The following CCBE1 variants were observed in gnomAD, a reference collection of about 807,000 sequenced individuals.
The protein encoded by CCBE1 is collagen and calcium binding EGF domains 1.
CCBE1 carries 37 observed loss-of-function variants against 50.0 expected under a neutral mutation model. The observed-to-expected ratio is 0.74, with a 90% CI of 0.57 to 0.97. The LOEUF is 0.97. CCBE1 is among the 50% of genes least tolerant of loss of function. The pLI is 0.00. For synonymous variants in CCBE1, 234 were observed against 203.7 expected (o/e 1.15, Z -1.27); for missense variants, 538 against 523.8 (o/e 1.03, Z -0.26).
chr18:59,649,116 C>G (rs2054094168), intron 2 of CCBE1, among the ~76,000 whole-genome samples: 1 of 152,204 alleles, frequency 6.6e-6, no homozygotes, highest in African/African-American at 2.4e-5. Flanking sequence ...TAACAGTGGA[C>G]AGAAAGCATC....
At chr18:59,609,594 T>C (rs2144579679) in intron 2 of CCBE1, among the ~76,000 whole-genome samples, 1 of 152,370 alleles carries the variant, frequency 6.6e-6, no homozygotes, top group Non-Finnish European at 1.5e-5. Context: ...CCTGAATCCT[T>C]ACTGCCACTA....
At position 59,589,564 on chromosome 18, in the gene CCBE1, G is replaced by A. The variant is rs191799584; in HGVS notation, c.212+107065C>T. On this transcript the variant is annotated intron_variant, in intron 2 of 10. Coordinates refer to ENST00000439986, the MANE Select transcript of CCBE1 (RefSeq NM_133459.4). Reference sequence around the variant, plus strand: ...TAATCCCAGCATTTTGGGAGGCCGAGGTGGGTGGATCACGAGGCCAGGAGA... The same window carrying A: ...TAATCCCAGCATTTTGGGAGGCCGAAGTGGGTGGATCACGAGGCCAGGAGA... 7.0e-3 allele frequency among the ~76,000 whole-genome samples: 1,059 copies of A among 152,218 alleles called. 11 individuals carry two copies. Among genetic ancestry groups the A allele is most frequent in the African/African-American group, 0.023 (976 of 41,540 alleles).
At chr18:59,465,127 C>A (rs749031133) in intron 5 of CCBE1, among the ~76,000 whole-genome samples, 10 of 152,184 alleles carry the variant, frequency 6.6e-5, no homozygotes, top group Non-Finnish European at 1.0e-4. Flanking sequence ...CAGCCATTGT[C>A]AATGGAGTCC....
intron 2 of CCBE1, among the ~76,000 whole-genome samples, chr18:59,694,821 A>G (rs1340289452): frequency 6.6e-6 from 1 of 152,210 alleles, no homozygotes; most frequent in Non-Finnish European, 1.5e-5. Flanking sequence ...ACAAAATCTA[A>G]GATCTTTTCA....
intron 2 of CCBE1, among the ~76,000 whole-genome samples, chr18:59,696,122 T>A (rs976157619): frequency 1.3e-5 from 2 of 152,166 alleles, no homozygotes; most frequent in African/African-American, 4.8e-5. Flanking sequence ...TTTTTTCCTC[T>A]GCCCCAACAA....
rs1914670456 is a variant in CCBE1 at position 59,522,993 on chromosome 18, C to CAAAAAAAAAAAAAAAAAAG, written c.213-42756_213-42755insCTTTTTTTTTTTTTTTTTT. Among the ~76,000 whole-genome samples, 2 of 89,222 alleles carry CAAAAAAAAAAAAAAAAAAG rather than the reference C, an allele frequency of 2.2e-5. 1 individual carries two copies. The highest frequency in any genetic ancestry group is 4.5e-5 in the Non-Finnish European group (2 of 44,712). 58.5% of individuals were successfully genotyped at this position (89,222 alleles called of 152,430 possible). ...GGCAACAGAGTGAGAGACTCTGTTT[C>CAAAAAAAAAAAAAAAAAAG]AAAAAAAAAAAAAAAAAAAATTCTC... On this transcript the variant is annotated intron_variant, in intron 2 of 10. Transcript: ENST00000439986.
chr18:59,452,908 G>A (rs1320626339), intron 6 of CCBE1, among the ~76,000 whole-genome samples: 5 of 152,216 alleles, frequency 3.3e-5, no homozygotes, highest in Admixed American at 2.6e-4. Context: ...AAGGTAGAAC[G>A]ATGCTAGTCC....
intron 2 of CCBE1, among the ~76,000 whole-genome samples, chr18:59,661,911 G>A (rs1257542043): frequency 6.7e-6 from 1 of 150,136 alleles, no homozygotes; most frequent in East Asian, 1.9e-4. Context: ...AAGTTGCAGT[G>A]AGCTGAGATG....
Position 59,439,782 on chromosome 18 carries a change from G to T in CCBE1, c.810C>A (p.Pro270=). The T allele has an allele frequency of 1.2e-6, 2 of 1,613,960 alleles. No individual in the cohort carries two copies. Among genetic ancestry groups the T allele is most frequent in the Non-Finnish European group, 1.7e-6 (2 of 1,179,946 alleles). Residue 270 remains proline, a synonymous_variant, in exon 8 of 11, where the codon CCC becomes CCA. Transcript: ENST00000439986. ...SPGPKGSPGF[P]GMPGPPGQPG... ...GCTGCCCAGGAGGGCCTGGCATACC[G>T]GGGAAGCCTGGGCTTCCCTTTGGTC... is the stretch of plus-strand genomic sequence containing the variant.
At chr18:59,696,438 T>C in intron 2 of CCBE1, 191 bp downstream of exon 2, 1 of 1,404,466 alleles carries the variant, frequency 7.1e-7, no homozygotes, top group Non-Finnish European at 9.4e-7. Flanking sequence ...CAAAGTCAGT[T>C]GCTCAGTGTT....
intron 2 of CCBE1, among the ~76,000 whole-genome samples, chr18:59,588,362 G>A (rs2053208564): frequency 6.6e-6 from 1 of 152,052 alleles, no homozygotes; most frequent in South Asian, 2.1e-4. Flanking sequence ...AGGAGTTTGA[G>A]ACCAGCTTGG....
At chr18:59,566,076 T>C (rs1303608536) in intron 2 of CCBE1, among the ~76,000 whole-genome samples, 1 of 152,176 alleles carries the variant, frequency 6.6e-6, no homozygotes, top group Non-Finnish European at 1.5e-5. Flanking sequence ...CCATATCTGG[T>C]AACTGAGAGT....
At chr18:59,557,851 C>T (rs879358244) in intron 2 of CCBE1, among the ~76,000 whole-genome samples, 1 of 152,138 alleles carries the variant, frequency 6.6e-6, no homozygotes, top group Non-Finnish European at 1.5e-5. Context: ...ATTCTTTGTT[C>T]AAAACACCAA....
chr18:59,483,864 C>T (rs1277866113), intron 2 of CCBE1, among the ~76,000 whole-genome samples: 1 of 152,146 alleles, frequency 6.6e-6, no homozygotes, highest in East Asian at 1.9e-4. Flanking sequence ...GGTCCCCCTG[C>T]CTGTACTGGA....
intron 2 of CCBE1, among the ~76,000 whole-genome samples, chr18:59,519,698 G>A (rs34555146): frequency 0.022 from 3,309 of 152,182 alleles, 142 homozygotes; most frequent in East Asian, 0.2. Flanking sequence ...TGTCAATTTT[G>A]GCTTTTGTTG....
chr18:59,460,247 C>T (rs1317875898), intron 5 of CCBE1, among the ~76,000 whole-genome samples: 2 of 152,240 alleles, frequency 1.3e-5, no homozygotes, highest in Non-Finnish European at 2.9e-5. Flanking sequence ...TCCCTTCTCT[C>T]CTCCTGGATT....
intron 2 of CCBE1, among the ~76,000 whole-genome samples, chr18:59,580,036 C>T (rs545465970): frequency 1.3e-5 from 2 of 152,070 alleles, no homozygotes; most frequent in Non-Finnish European, 2.9e-5. Context: ...TCTGTGAAAG[C>T]CAGAGAGGGA....
chr18:59,633,535 T>A (rs1418837578), intron 2 of CCBE1, among the ~76,000 whole-genome samples: 1 of 152,214 alleles, frequency 6.6e-6, no homozygotes, highest in Admixed American at 6.5e-5. Flanking sequence ...TCCTCTATCA[T>A]CATCTGTACA....
At chr18:59,456,372 A>T (rs1373179182) in intron 5 of CCBE1, among the ~76,000 whole-genome samples, 2 of 152,226 alleles carry the variant, frequency 1.3e-5, no homozygotes, top group Admixed American at 6.5e-5. Context: ...GTTAAGATGA[A>T]GTTATACTGG....
Sources: allele counts gnomAD v4.1 joint callset (sites outside exome capture counted in the v4.1 genomes callset), GRCh38; gene constraint gnomAD v4.1.1; transcripts MANE v1.5; gene names NCBI Gene and HGNC (gene_info 2026-07-23, HGNC 2026-07-21).